The following LCLAT1 variants were observed in gnomAD, a reference collection of about 807,000 sequenced individuals.
LCLAT1 encodes 1-AGP acyltransferase 8.
Under a neutral mutation model 30.7 loss-of-function variants are expected in LCLAT1, and 11 were observed. The observed-to-expected ratio is 0.36, with a 90% CI of 0.23 to 0.59. LCLAT1 has a LOEUF of 0.59. LCLAT1 is among the 20% of genes least tolerant of loss of function. The probability of loss-of-function intolerance (pLI) is 0.77; values close to 1 mark genes in which losing one functional copy is unlikely to be tolerated. For synonymous variants in LCLAT1, 155 were observed against 151.3 expected, an observed-to-expected ratio of 1.02 and a Z score of -0.18; for missense variants, 402 against 458.6, an observed-to-expected ratio of 0.88 and a Z score of 1.13.
chr2:30,598,412 TTC>T (rs1471446506), intron 5 of LCLAT1, among the ~76,000 whole-genome samples: 8 of 147,210 alleles, frequency 5.4e-5, no homozygotes, highest in African/African-American at 1.5e-4. Context: ...CTTCTAGATT[TTC>T]TTTTTTTTTT....
intron 5 of LCLAT1, among the ~76,000 whole-genome samples, chr2:30,604,617 G>C (rs1024908292): frequency 7.0e-6 from 1 of 142,224 alleles, no homozygotes; most frequent in Non-Finnish European, 1.5e-5. Context: ...AGCCGAGATC[G>C]TGCCACTGCA....
intron 1 of LCLAT1, among the ~76,000 whole-genome samples, chr2:30,483,004 C>G (rs931551967): frequency 9.2e-5 from 14 of 152,170 alleles, no homozygotes; most frequent in East Asian, 1.9e-4. Flanking sequence ...ATGTGGTATT[C>G]TAATGGAACC....
At chr2:30,560,950 A>C (rs1456968878) in intron 3 of LCLAT1, among the ~76,000 whole-genome samples, 1 of 151,868 alleles carries the variant, frequency 6.6e-6, no homozygotes, top group South Asian at 2.1e-4. Flanking sequence ...GCTTTTATTT[A>C]TTCTTTTTGA....
chr2:30,459,796 A>G, intron 1 of LCLAT1: 3 of 984,364 alleles, frequency 3.0e-6, no homozygotes, highest in East Asian at 2.4e-5. Flanking sequence ...AGCTTTTTGA[A>G]TTGATCATAG....
chr2:30,504,696 C>G (rs1371844636), intron 1 of LCLAT1, among the ~76,000 whole-genome samples: 2 of 152,100 alleles, frequency 1.3e-5, no homozygotes, highest in Non-Finnish European at 2.9e-5. Flanking sequence ...TTTTTCCTCT[C>G]CCCTTCCTTT....
intron 5 of LCLAT1, among the ~76,000 whole-genome samples, chr2:30,638,662 C>T (rs1161928230): frequency 6.6e-6 from 1 of 152,186 alleles, no homozygotes; most frequent in Non-Finnish European, 1.5e-5. Context: ...AAGTGATCCC[C>T]AAGGTCCCTT....
At chr2:30,508,711 C>T (rs1572545071) in intron 1 of LCLAT1, among the ~76,000 whole-genome samples, 1 of 152,052 alleles carries the variant, frequency 6.6e-6, no homozygotes, top group African/African-American at 2.4e-5. Flanking sequence ...GTTCTTTTTG[C>T]TTAGGATTGC....
chr2:30,568,080 A>G lies in LCLAT1; in HGVS notation c.532A>G (p.Asn178Asp). 1 of 1,576,222 alleles carries G rather than the reference A, an allele frequency of 6.3e-7. No individual in the cohort carries two copies. The highest frequency in any genetic ancestry group is 8.7e-7 in the Non-Finnish European group (1 of 1,149,776). Residue 178 changes from asparagine to aspartate, a missense_variant, in exon 5 of 6, where the codon AAT (asparagine) becomes GAT (aspartate). Asn to Asp is a conservative substitution (Grantham distance 23). Coordinates refer to ENST00000379509, the MANE Select transcript of LCLAT1 (RefSeq NM_001002257.3). Reference protein sequence around the residue: ...DLTENSKSRSNAFAEKNGLQK... With the variant: ...DLTENSKSRSDAFAEKNGLQK... ...TTTAGAAAACAGCAAGTCTCGAAGT[A>G]ATGCATTTGCTGAAAAAAATGGACT...
rs1241805578 is a variant in LCLAT1 at position 30,642,438 on chromosome 2, G to A, written c.*1819G>A. 8.3e-6 allele frequency: 1 copy of A among 120,524 alleles called. No homozygotes were observed. Among genetic ancestry groups the A allele is most frequent in the African/African-American group, 3.0e-5 (1 of 32,880 alleles). 7.5% of individuals were successfully genotyped at this position (120,524 alleles called of 1,614,324 possible). A position where few individuals can be genotyped will look rare whatever the true frequency, so the allele number is the denominator to read the frequency against. ...TTTTTTTAAAAAAGCACCTTTTTTT[G>A]TTGTTTCCCCTTAATAAAAGAGGTT... On this transcript the variant is annotated 3_prime_UTR_variant, in exon 6 of 6. Transcript: ENST00000379509.
intron 1 of LCLAT1, among the ~76,000 whole-genome samples, chr2:30,469,574 CTTTTTTTTTTT>C (rs199634493): frequency 7.7e-5 from 8 of 103,806 alleles, no homozygotes; most frequent in African/African-American, 3.3e-4. Flanking sequence ...CAGGTCTCTT[CTTTTTTTTTTT>C]TTTTTTTTTT....
intron 1 of LCLAT1, among the ~76,000 whole-genome samples, chr2:30,458,668 C>T (rs1465234948): frequency 6.6e-6 from 1 of 151,958 alleles, no homozygotes; most frequent in Admixed American, 6.6e-5. Context: ...TGGAATATAC[C>T]TGGTGAACTG....
chr2:30,537,052 CAT>C (rs1187764819), intron 3 of LCLAT1, among the ~76,000 whole-genome samples: 1 of 152,188 alleles, frequency 6.6e-6, no homozygotes, highest in African/African-American at 2.4e-5. Flanking sequence ...GGAAACCAAA[CAT>C]GAGCAGGAGT....
At chr2:30,549,097 T>G (rs1664561434) in intron 3 of LCLAT1, among the ~76,000 whole-genome samples, 1 of 152,218 alleles carries the variant, frequency 6.6e-6, no homozygotes, top group Non-Finnish European at 1.5e-5. Flanking sequence ...TCTAAATAAC[T>G]TAAATGAAGC....
chr2:30,485,844 T>A (rs1418590452), intron 1 of LCLAT1, among the ~76,000 whole-genome samples: 1 of 152,212 alleles, frequency 6.6e-6, no homozygotes, highest in Non-Finnish European at 1.5e-5. Context: ...TTTAGCATGC[T>A]AATTTACTGC....
chr2:30,517,268 A>G (rs918924026), intron 1 of LCLAT1, among the ~76,000 whole-genome samples: 6 of 152,184 alleles, frequency 3.9e-5, no homozygotes, highest in South Asian at 4.1e-4. Flanking sequence ...GAGAAGCTCT[A>G]CACTGCATCC....
At chr2:30,553,772 G>T (rs542984345) in intron 3 of LCLAT1, among the ~76,000 whole-genome samples, 3 of 151,844 alleles carry the variant, frequency 2.0e-5, no homozygotes, top group Non-Finnish European at 4.4e-5. Flanking sequence ...CCGAGATTGC[G>T]CCACTGCAGT....
intron 1 of LCLAT1, among the ~76,000 whole-genome samples, chr2:30,505,627 C>T (rs1684621420): frequency 6.6e-6 from 1 of 152,034 alleles, no homozygotes; most frequent in African/African-American, 2.4e-5. Context: ...AACCAGCAGC[C>T]AGTTAAAGAA....
chr2:30,636,575 A>T (rs546451739), intron 5 of LCLAT1, among the ~76,000 whole-genome samples: 1 of 152,272 alleles, frequency 6.6e-6, no homozygotes, highest in East Asian at 1.9e-4. Context: ...CGGTGCTGCC[A>T]TGAATCTAGA....
intron 3 of LCLAT1, among the ~76,000 whole-genome samples, chr2:30,554,903 TCC>T (rs1476655530): frequency 6.6e-6 from 1 of 152,062 alleles, no homozygotes; most frequent in African/African-American, 2.4e-5. Flanking sequence ...TAACAGAACT[TCC>T]AGCTGAAAAT....
Sources: allele counts gnomAD v4.1 joint callset (sites outside exome capture counted in the v4.1 genomes callset), GRCh38; gene constraint gnomAD v4.1.1; transcripts MANE v1.5; gene names NCBI Gene and HGNC (gene_info 2026-07-23, HGNC 2026-07-21).